The following PDE4D variants were observed in gnomAD, a reference collection of about 807,000 sequenced individuals.
The protein encoded by PDE4D is phosphodiesterase 4D.
In PDE4D, 24 loss-of-function variants were observed where a neutral mutation model predicts 87.4. That is an observed-to-expected ratio of 0.27 (90% CI 0.20 to 0.39). The LOEUF is 0.39. Ranked by LOEUF, PDE4D falls within the 10% of genes least tolerant of loss-of-function variation. The pLI is 1.00. For synonymous variants in PDE4D, 384 were observed against 383.2 expected (o/e 1.00, Z -0.02); for missense variants, 714 against 1,041.0 (o/e 0.69, Z 4.32).
intron 1 of PDE4D, among the ~76,000 whole-genome samples, chr5:59,764,744 C>T (rs1248707183): frequency 6.6e-6 from 1 of 150,726 alleles, no homozygotes; most frequent in African/African-American, 2.4e-5. Flanking sequence ...CAACCTCCGC[C>T]TCCTGAGTTC....
intron 1 of PDE4D, among the ~76,000 whole-genome samples, chr5:59,222,537 C>T (rs1311910832): frequency 5.3e-5 from 8 of 152,104 alleles, no homozygotes; most frequent in Non-Finnish European, 8.8e-5. Flanking sequence ...CCTCCATTAC[C>T]GAAGCATCTA....
At chr5:59,009,426 G>A (rs1164572113) in intron 6 of PDE4D, among the ~76,000 whole-genome samples, 1 of 151,998 alleles carries the variant, frequency 6.6e-6, no homozygotes, top group Non-Finnish European at 1.5e-5. Context: ...ATTACCAATA[G>A]ATGCAATAAC....
chr5:59,822,774 A>T (rs1182540127), intron 1 of PDE4D, among the ~76,000 whole-genome samples: 1 of 152,168 alleles, frequency 6.6e-6, no homozygotes, highest in Non-Finnish European at 1.5e-5. Flanking sequence ...AGCCCCTGAT[A>T]ACTCATTGTC....
At chr5:60,119,576 G>A (rs1778486013) in intron 2 of PDE4D, among the ~76,000 whole-genome samples, 1 of 152,148 alleles carries the variant, frequency 6.6e-6, no homozygotes, top group South Asian at 2.1e-4. Flanking sequence ...CCTTGGATAA[G>A]TTACTTAATC....
chr5:59,822,829 A>G (rs1769858771), intron 1 of PDE4D, among the ~76,000 whole-genome samples: 1 of 152,172 alleles, frequency 6.6e-6, no homozygotes, highest in Non-Finnish European at 1.5e-5. Flanking sequence ...AAGTTCCAGC[A>G]ACTGTCTCAA....
At chr5:59,842,458 A>G (rs973619089) in intron 1 of PDE4D, among the ~76,000 whole-genome samples, 3 of 152,062 alleles carry the variant, frequency 2.0e-5, no homozygotes, top group African/African-American at 7.2e-5. Context: ...CAAGTGGGAA[A>G]CTGGGGATTC....
In PDE4D at chr5:59,893,611, C is replaced by G. The variant is rs1044783142; in HGVS notation, c.12G>C (p.Glu4Asp). 4.6e-6 allele frequency: 7 copies of G among 1,509,768 alleles called. No individual in the cohort carries two copies. Among genetic ancestry groups the G allele is most frequent in the Non-Finnish European group, 6.2e-6 (7 of 1,131,248 alleles). 93.5% of individuals were successfully genotyped at this position (1,509,768 alleles called of 1,614,324 possible). A position where few individuals can be genotyped will look rare whatever the true frequency, so the allele number is the denominator to read the frequency against. Residue 4 changes from glutamate to aspartate, a missense_variant, in exon 1 of 15, where the codon GAG (glutamate) becomes GAC (aspartate). Physicochemically the swap from Glu to Asp is conservative, Grantham distance 45. Coordinates refer to ENST00000340635, the MANE Select transcript of PDE4D (RefSeq NM_001104631.2). MEA[E>D]GSSAPARAGS... is the part of the protein sequence containing the mutation. ...CCGCCCGGGCCGGCGCGCTGCTGCC[C>G]TCTGCCTCCATCCTGGCTCGCGGCT...
At chr5:59,996,195 G>A (rs978139340) in intron 2 of PDE4D, among the ~76,000 whole-genome samples, 1 of 152,098 alleles carries the variant, frequency 6.6e-6, no homozygotes, top group African/African-American at 2.4e-5. Context: ...CTTTCAGTGA[G>A]CCTACACTAT....
At chr5:60,046,642 T>C (rs936973214) in intron 2 of PDE4D, among the ~76,000 whole-genome samples, 2 of 152,250 alleles carry the variant, frequency 1.3e-5, no homozygotes, top group African/African-American at 4.8e-5. Context: ...TTTTTGTCTT[T>C]GGTTCTGTTT....
chr5:59,426,714 C>T (rs1244623666), intron 1 of PDE4D, among the ~76,000 whole-genome samples: 2 of 152,080 alleles, frequency 1.3e-5, no homozygotes, highest in African/African-American at 2.4e-5. Context: ...AGGGCACTTG[C>T]TTTCCATTGC....
chr5:59,039,203 C>T (rs1297599238), intron 5 of PDE4D: 2 of 1,300,694 alleles, frequency 1.5e-6, no homozygotes, highest in Non-Finnish European at 2.0e-6. Context: ...CGTCTCGGGT[C>T]GGCCTCCAGG....
chr5:59,032,802 T>C (rs1315593834), intron 6 of PDE4D, among the ~76,000 whole-genome samples: 1 of 152,190 alleles, frequency 6.6e-6, no homozygotes, highest in Non-Finnish European at 1.5e-5. Flanking sequence ...TTACATACAT[T>C]ATAGCTAATG....
At chr5:60,361,290 T>G (rs1583524921) in intron 1 of PDE4D, among the ~76,000 whole-genome samples, 2 of 152,344 alleles carry the variant, frequency 1.3e-5, no homozygotes, top group East Asian at 3.9e-4. Flanking sequence ...ATTTAGTTTG[T>G]AATATTATTT....
At chr5:59,108,640 T>A (rs1348402383) in intron 5 of PDE4D, among the ~76,000 whole-genome samples, 1 of 152,126 alleles carries the variant, frequency 6.6e-6, no homozygotes, top group Non-Finnish European at 1.5e-5. Context: ...ACGCCCGTAG[T>A]CCCAGCATTT....
At chr5:59,849,499 AAT>A in intron 1 of PDE4D, among the ~76,000 whole-genome samples, 1 of 152,022 alleles carries the variant, frequency 6.6e-6, no homozygotes, top group East Asian at 1.9e-4. Context: ...GCTCCTAGAA[AAT>A]ATGAGTGTCC....
intron 1 of PDE4D, among the ~76,000 whole-genome samples, chr5:60,193,624 A>C (rs1785378577): frequency 7.9e-6 from 1 of 125,970 alleles, no homozygotes; most frequent in South Asian, 2.9e-4. Context: ...GTGAGCCGAG[A>C]TTGCGCCACT....
intron 2 of PDE4D, among the ~76,000 whole-genome samples, chr5:60,099,770 C>T (rs1408957001): frequency 6.6e-6 from 1 of 151,956 alleles, no homozygotes; most frequent in African/African-American, 2.4e-5. Flanking sequence ...CACTTTCAGA[C>T]TTTGCTGTAG....
chr5:59,545,080 G>T (rs1441867555), intron 1 of PDE4D, among the ~76,000 whole-genome samples: 1 of 152,136 alleles, frequency 6.6e-6, no homozygotes, highest in African/African-American at 2.4e-5. Flanking sequence ...GAGGTAAAGA[G>T]ACCAGCCAAA....
intron 1 of PDE4D, among the ~76,000 whole-genome samples, chr5:60,466,927 G>A (rs1747399519): frequency 6.7e-6 from 1 of 149,774 alleles, no homozygotes; most frequent in African/African-American, 2.5e-5. Flanking sequence ...GAAAAATATG[G>A]CATATATATT....
Sources: gnomAD v4.1 joint callset for allele counts (sites outside exome capture counted in the v4.1 genomes callset) on GRCh38, gnomAD v4.1.1 for gene constraint, MANE v1.5 for transcripts, NCBI Gene and HGNC (gene_info 2026-07-23, HGNC 2026-07-21) for gene names.